SHANK2: variants seen among roughly 807,000 people sequenced by gnomAD.
The protein encoded by SHANK2 is SH3 and multiple ankyrin repeat domains protein 2.
Under a neutral mutation model 133.7 loss-of-function variants are expected in SHANK2, and 43 were observed. That is an observed-to-expected ratio of 0.32 (90% CI 0.25 to 0.41). The LOEUF is 0.41. Among genes scored for constraint, SHANK2 ranks in the 10% least tolerant of loss-of-function variants. SHANK2 has a pLI of 1.00. For synonymous variants in SHANK2, 1,017 were observed against 952.8 expected, an observed-to-expected ratio of 1.07 and a Z score of -1.24; for missense variants, 1,994 against 2,235.8, an observed-to-expected ratio of 0.89 and a Z score of 2.18.
At chr11:70,628,761 C>G (rs1295812311) in intron 17 of SHANK2, among the ~76,000 whole-genome samples, 1 of 152,228 alleles carries the variant, frequency 6.6e-6, no homozygotes, top group Non-Finnish European at 1.5e-5. Flanking sequence ...GCCGAAGTTT[C>G]GGCCCACCTG....
Position 70,855,929 on chromosome 11 carries a change from G to A in SHANK2, c.1175-35247C>T, listed in dbSNP as rs143930859. On this transcript the variant is annotated intron_variant, in intron 11 of 25. Coordinates refer to ENST00000601538, the MANE Select transcript of SHANK2 (RefSeq NM_012309.5). Reference sequence around the variant, plus strand: ...TGGATAAAGAGATGGATGAATGCATGGATAGAGAGATGGAAGGATGGATGG... The same window carrying A: ...TGGATAAAGAGATGGATGAATGCATAGATAGAGAGATGGAAGGATGGATGG... Among the ~76,000 whole-genome samples, 13 of 152,292 alleles carry A rather than the reference G, an allele frequency of 8.5e-5. No individual in the cohort carries two copies. The East Asian group carries it at 2.5e-3, about 29-fold the overall frequency.
At chr11:70,635,773 G>C (rs78523695) in intron 17 of SHANK2, among the ~76,000 whole-genome samples, 1 of 151,886 alleles carries the variant, frequency 6.6e-6, no homozygotes, top group Non-Finnish European at 1.5e-5. Context: ...AAAAAGGGGG[G>C]AGGAAGTGAA....
At chr11:71,243,500 C>A (rs1453083677) in intron 1 of SHANK2, among the ~76,000 whole-genome samples, 4 of 152,136 alleles carry the variant, frequency 2.6e-5, no homozygotes, top group African/African-American at 4.8e-5. Flanking sequence ...CAAGACCATC[C>A]TGGCTAGCAC....
chr11:70,617,902 T>G (rs1476903461), intron 17 of SHANK2, among the ~76,000 whole-genome samples: 2 of 152,088 alleles, frequency 1.3e-5, no homozygotes, highest in Non-Finnish European at 2.9e-5. Context: ...GACGAGTTAA[T>G]GGGTGCAGCA....
chr11:70,632,360 C>T (rs982394936), intron 17 of SHANK2, among the ~76,000 whole-genome samples: 1 of 151,884 alleles, frequency 6.6e-6, no homozygotes, highest in Non-Finnish European at 1.5e-5. Flanking sequence ...CTCCTGACCT[C>T]GTGATCCGCC....
At chr11:70,945,195 G>T (rs1555085147) in intron 10 of SHANK2, among the ~76,000 whole-genome samples, 1 of 152,148 alleles carries the variant, frequency 6.6e-6, no homozygotes, top group Non-Finnish European at 1.5e-5. Flanking sequence ...TTCCCTCGGG[G>T]TGCTTTGCTG....
At chr11:71,182,172 T>G (rs1555113890) in intron 2 of SHANK2, among the ~76,000 whole-genome samples, 1 of 151,898 alleles carries the variant, frequency 6.6e-6, no homozygotes, top group African/African-American at 2.4e-5. Context: ...CCAAACATGG[T>G]CCTATTCCAG....
At chr11:70,516,987 C>T (rs1281606938) in intron 17 of SHANK2, among the ~76,000 whole-genome samples, 8 of 152,094 alleles carry the variant, frequency 5.3e-5, no homozygotes, top group East Asian at 1.9e-4. Context: ...GCAGGAGAAT[C>T]GCTTGAACCT....
intron 9 of SHANK2, among the ~76,000 whole-genome samples, chr11:71,058,763 A>G (rs1327002737): frequency 2.0e-5 from 3 of 152,246 alleles, no homozygotes; most frequent in Non-Finnish European, 2.9e-5. Flanking sequence ...TACACCGAAT[A>G]AAGGGGTAAG....
chr11:70,921,527 T>C (rs1950351752), intron 10 of SHANK2, among the ~76,000 whole-genome samples: 1 of 152,264 alleles, frequency 6.6e-6, no homozygotes, highest in African/African-American at 2.4e-5. Flanking sequence ...GGCATTCGGC[T>C]GCTTTTCCTT....
At chr11:70,528,943 G>T (rs1373235631) in intron 17 of SHANK2, among the ~76,000 whole-genome samples, 1 of 152,120 alleles carries the variant, frequency 6.6e-6, no homozygotes, top group Non-Finnish European at 1.5e-5. Context: ...CCCCCGTGAC[G>T]ATTTCCCCCC....
At chr11:70,749,285 G>T (rs754253944) in intron 14 of SHANK2, among the ~76,000 whole-genome samples, 4 of 152,312 alleles carry the variant, frequency 2.6e-5, no homozygotes, top group East Asian at 1.9e-4. Context: ...ATCTGCAAAA[G>T]CCCCAGGCTG....
intron 2 of SHANK2, among the ~76,000 whole-genome samples, chr11:71,182,319 G>T (rs1555113915): frequency 6.6e-6 from 1 of 152,198 alleles, no homozygotes; most frequent in African/African-American, 2.4e-5. Context: ...CTTGTAGATG[G>T]AACAGCCTTG....
At position 70,832,717 on chromosome 11, in the gene SHANK2, C is replaced by T. The variant is rs117440249; in HGVS notation, c.1175-12035G>A. ...TTCCTTGTCCAACTCCCACCCTACC[C>T]CCACCCCCTCTTCTGCCCAGGGCCT... On this transcript the variant is annotated intron_variant, in intron 11 of 25. Transcript: ENST00000601538. Among the ~76,000 whole-genome samples the T allele has an allele frequency of 9.0e-4, 137 of 152,304 alleles. 1 individual carries two copies. The East Asian group carries it at 0.026, about 29-fold the overall frequency.
rs77748249 is a variant in SHANK2 at position 71,184,582 on chromosome 11, G to A, written c.-12-37244C>T. 8.8e-3 allele frequency among the ~76,000 whole-genome samples: 1,337 copies of A among 152,250 alleles called. 14 individuals carry two copies. Among genetic ancestry groups the A allele is most frequent in the African/African-American group, 0.026 (1,100 of 41,552 alleles). Reference sequence around the variant, plus strand: ...GGTGCCCACGGCCATGCCACTTAGCGGGCAGGACTCAGGGCCCTTCTCAAA... The same window carrying A: ...GGTGCCCACGGCCATGCCACTTAGCAGGCAGGACTCAGGGCCCTTCTCAAA... On this transcript the variant is annotated intron_variant, in intron 2 of 25. Transcript: ENST00000601538.
intron 17 of SHANK2, among the ~76,000 whole-genome samples, chr11:70,543,996 G>A (rs1048086929): frequency 3.1e-4 from 47 of 152,228 alleles, no homozygotes; most frequent in Admixed American, 3.1e-3. Flanking sequence ...AGTATAGTGG[G>A]AAGAAACTGA....
chr11:70,751,256 C>T lies in SHANK2; in HGVS notation c.1777+47187G>A, dbSNP rs181921878. On this transcript the variant is annotated intron_variant, in intron 14 of 25. Transcript: ENST00000601538. ...AAATCAAATTGCTGAAGACTAAAAA[C>T]GAAAAAATATATACTGAAAGCAGCT... 1.4e-3 allele frequency among the ~76,000 whole-genome samples: 207 copies of T among 152,046 alleles called. 1 individual carries two copies. Among genetic ancestry groups the T allele is most frequent in the African/African-American group, 3.7e-3 (154 of 41,478 alleles).
At chr11:71,213,552 T>C (rs1555119161) in intron 2 of SHANK2, among the ~76,000 whole-genome samples, 1 of 152,136 alleles carries the variant, frequency 6.6e-6, no homozygotes, top group African/African-American at 2.4e-5. Context: ...TGCTCTGGAA[T>C]TGTTTTTAAT....
At chr11:71,197,011 A>C (rs1295027236) in intron 2 of SHANK2, among the ~76,000 whole-genome samples, 2 of 142,366 alleles carry the variant, frequency 1.4e-5, no homozygotes, top group East Asian at 3.9e-4. Context: ...AAAAAAAAAA[A>C]AAAAAAAACC....
Sources: gnomAD v4.1 joint callset for allele counts (sites outside exome capture counted in the v4.1 genomes callset) on GRCh38, gnomAD v4.1.1 for gene constraint, MANE v1.5 for transcripts, NCBI Gene and HGNC (gene_info 2026-07-23, HGNC 2026-07-21) for gene names.